The following ERC1 variants were observed in gnomAD, a reference collection of about 807,000 sequenced individuals.
ERC1 encodes RAB6 interacting protein 2.
ERC1 carries 56 observed loss-of-function variants against 132.0 expected under a neutral mutation model. The ratio of observed to expected loss-of-function variants is 0.42; its 90% confidence interval spans 0.34 to 0.53. ERC1 has a LOEUF of 0.53. Among genes scored for constraint, ERC1 ranks in the 20% least tolerant of loss-of-function variants. The pLI, the probability that ERC1 is intolerant of heterozygous loss-of-function variation, is 0.03. For missense variants in ERC1, 1,202 were observed against 1,349.9 expected (o/e 0.89, Z 1.72); for synonymous variants, 478 against 476.1 (o/e 1.00, Z -0.05).
chr12:1,383,240 C>T (rs976830966), intron 16 of ERC1, among the ~76,000 whole-genome samples: 1 of 152,170 alleles, frequency 6.6e-6, no homozygotes, highest in Non-Finnish European at 1.5e-5. Context: ...CCTCCTCTCC[C>T]TGTTTCTTCT....
At chr12:1,189,437 G>A (rs1296235797) in intron 11 of ERC1, among the ~76,000 whole-genome samples, 2 of 152,178 alleles carry the variant, frequency 1.3e-5, no homozygotes, top group African/African-American at 4.8e-5. Flanking sequence ...AATGGAAATG[G>A]AAGTTAGGGT....
intron 1 of ERC1, among the ~76,000 whole-genome samples, chr12:1,021,067 G>A (rs1425093637): frequency 6.6e-6 from 1 of 152,098 alleles, no homozygotes; most frequent in Non-Finnish European, 1.5e-5. Flanking sequence ...AGCCTCCTGA[G>A]TAGCTGGGAT....
At chr12:1,127,914 A>C (rs1948375622) in intron 7 of ERC1, among the ~76,000 whole-genome samples, 1 of 152,180 alleles carries the variant, frequency 6.6e-6, no homozygotes, top group Non-Finnish European at 1.5e-5. Flanking sequence ...AGACCTCCGC[A>C]TAAATCTAGT....
intron 15 of ERC1, among the ~76,000 whole-genome samples, chr12:1,293,439 C>A (rs61912047): frequency 0.012 from 954 of 81,528 alleles, 30 homozygotes; most frequent in Middle Eastern, 0.036. Context: ...GGCGACAGAG[C>A]AAAACTCCAT....
chr12:1,405,292 G>A (rs892027702), intron 16 of ERC1, among the ~76,000 whole-genome samples: 10 of 128,356 alleles, frequency 7.8e-5, no homozygotes, highest in Admixed American at 2.1e-4. Flanking sequence ...TTTATTAATC[G>A]GTTTTTTTTT....
intron 18 of ERC1, 132 bp from the exon 19 acceptor site, chr12:1,489,961 T>C: frequency 9.5e-7 from 1 of 1,052,036 alleles, no homozygotes; most frequent in Admixed American, 2.4e-5. Context: ...TTTACACTTT[T>C]CTTATGGTTA....
rs369495341 is a variant in ERC1, at chr12:1,462,764, A to C, written c.3213+18014A>C. Among the ~76,000 whole-genome samples, 29 of 152,312 alleles carry C rather than the reference A, an allele frequency of 1.9e-4. No homozygotes were observed. The South Asian group carries it at 5.8e-3, about 30-fold the overall frequency. On this transcript the variant is annotated intron_variant, in intron 18 of 18. Coordinates refer to ENST00000360905, the MANE Select transcript of ERC1 (RefSeq NM_178040.4). ...GATGGCCATGTGGGTAGATAAATTC[A>C]TCAAAATTCATTCAGTTGTACACCT... is the stretch of plus-strand genomic sequence containing the variant.
At chr12:1,455,815 CCTTT>C (rs762902577) in intron 18 of ERC1, among the ~76,000 whole-genome samples, 2 of 152,156 alleles carry the variant, frequency 1.3e-5, no homozygotes, top group Non-Finnish European at 2.9e-5. Flanking sequence ...AGTCCTGCTT[CCTTT>C]GAGAGGGGTA....
At chr12:1,064,870 T>C (rs1429669470) in intron 2 of ERC1, among the ~76,000 whole-genome samples, 1 of 152,246 alleles carries the variant, frequency 6.6e-6, no homozygotes, top group East Asian at 1.9e-4. Flanking sequence ...AAACAGGTTG[T>C]CTATGCCATT....
At chr12:1,117,832 T>G (rs1490239818) in intron 7 of ERC1, among the ~76,000 whole-genome samples, 1 of 152,230 alleles carries the variant, frequency 6.6e-6, no homozygotes, top group Non-Finnish European at 1.5e-5. Context: ...ATTTTCTTAC[T>G]TTTATTAAGC....
intron 12 of ERC1, among the ~76,000 whole-genome samples, chr12:1,193,152 T>TATGA (rs1697997501): frequency 6.6e-6 from 1 of 152,132 alleles, no homozygotes; most frequent in Non-Finnish European, 1.5e-5. Flanking sequence ...TATGAAGGAT[T>TATGA]CCCAGGCCTG....
chr12:1,068,039 C>T (rs1325605867), intron 2 of ERC1, among the ~76,000 whole-genome samples: 2 of 149,822 alleles, frequency 1.3e-5, no homozygotes, highest in Non-Finnish European at 1.5e-5. Flanking sequence ...TCAAGTGATT[C>T]TCCTGCCTCA....
At chr12:1,040,807 C>T (rs934744454) in intron 2 of ERC1, among the ~76,000 whole-genome samples, 1 of 152,068 alleles carries the variant, frequency 6.6e-6, no homozygotes, top group Non-Finnish European at 1.5e-5. Context: ...ACTGTATAGG[C>T]CGAGAAAGTG....
chr12:1,039,373 A>G (rs1969775554), intron 2 of ERC1, among the ~76,000 whole-genome samples: 3 of 150,556 alleles, frequency 2.0e-5, no homozygotes, highest in Admixed American at 2.0e-4. Flanking sequence ...TAAATAAATA[A>G]ATAAAAAATT....
At chr12:1,262,908 C>A (rs1026205461) in intron 13 of ERC1, 126 bp from the exon 14 acceptor site, 2 of 883,496 alleles carry the variant, frequency 2.3e-6, no homozygotes, top group African/African-American at 3.4e-5. Context: ...GTGACGATAT[C>A]TTGTTGACCT....
chr12:1,119,791 CTGTCCTCCTCAGCCA>C (rs1270827549), intron 7 of ERC1, among the ~76,000 whole-genome samples: 8 of 151,910 alleles, frequency 5.3e-5, no homozygotes, highest in African/African-American at 1.9e-4. Flanking sequence ...CTCAGGTGAT[CTGTCCTCCTCAGCCA>C]CCCAAAGTGC....
intron 2 of ERC1, among the ~76,000 whole-genome samples, chr12:1,073,030 G>T (rs373231471): frequency 1.3e-5 from 2 of 152,074 alleles, no homozygotes; most frequent in East Asian, 3.9e-4. Context: ...GGCCAGGTGC[G>T]GTGGCTCATG....
At chr12:1,470,243 G>A (rs1178541540) in intron 18 of ERC1, among the ~76,000 whole-genome samples, 4 of 152,026 alleles carry the variant, frequency 2.6e-5, no homozygotes, top group East Asian at 1.9e-4. Context: ...AACCCTGGAC[G>A]TAGAGGGTGC....
intron 8 of ERC1, among the ~76,000 whole-genome samples, chr12:1,161,733 A>C (rs532359733): frequency 2.0e-5 from 3 of 152,314 alleles, no homozygotes; most frequent in Non-Finnish European, 4.4e-5. Context: ...TTAATTCTGT[A>C]CAAAAAAGCC....
Sources: allele counts gnomAD v4.1 joint callset (sites outside exome capture counted in the v4.1 genomes callset), GRCh38; gene constraint gnomAD v4.1.1; transcripts MANE v1.5; gene names NCBI Gene and HGNC (gene_info 2026-07-23, HGNC 2026-07-21).